TKFC: variants seen among roughly 807,000 people sequenced by gnomAD.
TKFC encodes triokinase and FMN cyclase, also known as triokinase/FMN cyclase.
In TKFC, 46 loss-of-function variants were observed where a neutral mutation model predicts 61.0. That is an observed-to-expected ratio of 0.75 (90% confidence interval 0.60 to 0.96). The LOEUF (loss-of-function observed/expected upper bound fraction) is 0.96. Among genes scored for constraint, TKFC ranks in the 50% least tolerant of loss-of-function variants. The probability of loss-of-function intolerance (pLI) is 0.00; values close to 1 mark genes in which losing one functional copy is unlikely to be tolerated. For missense variants in TKFC, 715 were observed against 777.5 expected, an observed-to-expected ratio of 0.92 and a Z score of 0.96; for synonymous variants, 314 against 330.1, an observed-to-expected ratio of 0.95 and a Z score of 0.53.
chr11:61,350,554 C>T (rs1857352104), downstream of TKFC: 27 of 1,162,706 alleles, frequency 2.3e-5, no homozygotes, highest in South Asian at 3.2e-4. Context: ...AGGGAAGCCC[C>T]AAAGTCCCTG....
chr11:61,351,352 C>T (rs528855043), downstream of TKFC: 13 of 450,822 alleles, frequency 2.9e-5, no homozygotes, highest in Admixed American at 2.4e-4. Flanking sequence ...TGCAGTGGCA[C>T]GATCTCGGCT....
In TKFC at chr11:61,334,739, A is replaced by AT. The variant is rs772912257; in HGVS notation, c.3+9dup. On this transcript the variant is annotated intron_variant, in intron 2 of 17. Coordinates refer to ENST00000394900, the MANE Select transcript of TKFC (RefSeq NM_015533.4). ...CAGAGCCTCCACACCATGGTGAGTCATACAGGGCCGGGACGGGAATGGCAG... is the reference window on the plus strand; with the variant it reads ...CAGAGCCTCCACACCATGGTGAGTCATTACAGGGCCGGGACGGGAATGGCAG... The AT allele has an allele frequency of 6.2e-7, 1 of 1,614,122 alleles. No individual in the cohort carries two copies. The highest frequency in any genetic ancestry group is 8.5e-7 in the Non-Finnish European group (1 of 1,179,984).
rs1165150333 is a variant in TKFC, at chr11:61,347,162, T to A, written c.*659T>A. On this transcript the variant is annotated 3_prime_UTR_variant, in exon 18 of 18. Transcript: ENST00000394900. ...CTTTTCTTAGCATTGAATTAATAAT[T>A]CAGTGGCTCCTCGGGAGTCGAATGG... The A allele has an allele frequency of 4.1e-6, 4 of 985,378 alleles. No homozygotes were observed. The highest frequency in any genetic ancestry group is 4.8e-6 in the Non-Finnish European group (4 of 829,934). The allele number at this position is 985,378 out of a possible 1,614,324, so 61.0% of individuals were successfully genotyped here. A position where few individuals can be genotyped will look rare whatever the true frequency, so the allele number is the denominator to read the frequency against.
intron 6 of TKFC, 27 bp downstream of exon 6, chr11:61,341,541 A>G (rs1313175420): frequency 6.4e-7 from 1 of 1,552,670 alleles, no homozygotes; most frequent in South Asian, 1.2e-5. Flanking sequence ...GAGCTGGGGA[A>G]GAGAGTGGGG....
At chr11:61,334,901 TCTTTGTTTCCTGGAGGCTGCTGGTCC>T (rs1356711993) in intron 2 of TKFC, among the ~76,000 whole-genome samples, 170 bp downstream of exon 2, 4 of 152,164 alleles carry the variant, frequency 2.6e-5, no homozygotes, top group African/African-American at 9.7e-5. Flanking sequence ...TCCCTGCTTT[TCTTTGTTTCCTGGAGGCTGCTGGTCC>T]CAGCCAGGCC....
rs571088098 is a variant in TKFC at position 61,346,879 on chromosome 11, G to A, written c.*376G>A. ...TTTCCGCACCTTAACCCCAGTGAGCGTGAAAAAGAAAGTTAATAAACTATA... is the reference window on the plus strand; with the variant it reads ...TTTCCGCACCTTAACCCCAGTGAGCATGAAAAAGAAAGTTAATAAACTATA... On this transcript the variant is annotated 3_prime_UTR_variant, in exon 18 of 18. Transcript: ENST00000394900. This position sits in a 1 kb window ranked among gnomAD's most constrained non-coding sequence, Gnocchi z 4.1. The A allele has an allele frequency of 3.0e-5, 30 of 1,013,408 alleles. No individual in the cohort carries two copies. Among genetic ancestry groups the A allele is most frequent in the African/African-American group, 1.9e-4 (11 of 58,240 alleles). The allele number at this position is 1,013,408 out of a possible 1,614,324, so 62.8% of individuals were successfully genotyped here. A position where few individuals can be genotyped will look rare whatever the true frequency, so the allele number is the denominator to read the frequency against.
intron 11 of TKFC, 59 bp downstream of exon 11, chr11:61,343,517 G>C: frequency 6.6e-7 from 1 of 1,510,058 alleles, no homozygotes; most frequent in African/African-American, 1.4e-5. Flanking sequence ...GAAGGAGCCA[G>C]GGAGACTTGG....
At chr11:61,349,838 C>T, downstream of TKFC, 1 of 583,768 alleles carries the variant, frequency 1.7e-6, no homozygotes, top group Non-Finnish European at 3.1e-6. Context: ...ATGAAGCCTG[C>T]TCTGTGGCGG....
intron 2 of TKFC, among the ~76,000 whole-genome samples, chr11:61,336,652 G>A (rs1359327305): frequency 6.6e-6 from 1 of 152,164 alleles, no homozygotes; most frequent in African/African-American, 2.4e-5. Flanking sequence ...GCTAATGAGA[G>A]GCAGAAGTGG....
chr11:61,342,354 T>A (rs935862494), intron 7 of TKFC, 107 bp from the exon 8 acceptor site: 1 of 1,428,966 alleles, frequency 7.0e-7, no homozygotes, highest in Non-Finnish European at 9.9e-7. Flanking sequence ...CATCCCCCAC[T>A]CCCGCCCACT....
At position 61,345,535 on chromosome 11, in the gene TKFC, C is replaced by A; in HGVS notation, c.1421C>A (p.Ala474Asp). Reference sequence around the variant, plus strand: ...ACCAGCCTCCCAGCCTGGTCTGCTGCCATGGATGCCGGCCTGGAAGCCATG... The same window carrying A: ...ACCAGCCTCCCAGCCTGGTCTGCTGACATGGATGCCGGCCTGGAAGCCATG... ...AKTSLPAWSA[A>D]MDAGLEAMQK... The change falls in exon 15 of 18, where the codon GCC becomes GAC. Residue 474 changes from alanine to aspartate, a missense_variant. Ala to Asp is a moderately radical substitution (Grantham distance 126, BLOSUM62 -2). Transcript: ENST00000394900. The A allele has an allele frequency of 6.2e-7, 1 of 1,613,328 alleles. No individual in the cohort carries two copies. Among genetic ancestry groups the A allele is most frequent in the South Asian group, 1.1e-5 (1 of 91,092 alleles).
At chr11:61,349,891 G>T (rs1040907015), downstream of TKFC, 2 of 530,934 alleles carry the variant, frequency 3.8e-6, no homozygotes, top group Non-Finnish European at 3.4e-6. Context: ...GGAAGTGGAC[G>T]GACACCTCAC....
chr11:61,338,004 G>A lies in TKFC; in HGVS notation c.67G>A (p.Ala23Thr), dbSNP rs1333782312. 2 of 1,613,540 alleles carry A rather than the reference G, an allele frequency of 1.2e-6. No homozygotes were observed. Reference protein sequence around the residue: ...CADDALAGLVACNPNLQLLQG... With the variant: ...CADDALAGLVTCNPNLQLLQG... Reference sequence around the variant, plus strand: ...TGATGACGCTCTTGCTGGCCTGGTGGCCTGCAACCCCAACCTGCAGCTCCT... The same window carrying A: ...TGATGACGCTCTTGCTGGCCTGGTGACCTGCAACCCCAACCTGCAGCTCCT... The change falls in exon 3 of 18, where the codon GCC becomes ACC. Residue 23 changes from alanine (A) to threonine (T), a missense_variant. Physicochemically the swap from Ala to Thr is moderately conservative, Grantham distance 58. Transcript: ENST00000394900.
intron 5 of TKFC, among the ~76,000 whole-genome samples, chr11:61,341,053 G>T (rs1355894416): frequency 6.6e-6 from 1 of 151,934 alleles, no homozygotes; most frequent in African/African-American, 2.4e-5. Context: ...GTAAAAATTG[G>T]GTGGATGGAT....
chr11:61,334,397 G>A (rs1269681991), intron 1 of TKFC: 1 of 310,604 alleles, frequency 3.2e-6, no homozygotes, highest in Non-Finnish European at 6.2e-6. Flanking sequence ...TGGACATAAA[G>A]GCAGACCTGT....
downstream of TKFC, chr11:61,353,154 G>A: frequency 6.3e-7 from 1 of 1,591,978 alleles, no homozygotes; most frequent in East Asian, 2.2e-5. Flanking sequence ...GGACAAAAGG[G>A]AGGACACACC....
At position 61,348,275 on chromosome 11, in the gene TKFC, C is replaced by CA; in HGVS notation, c.*1773dup. 1 of 985,390 alleles carries CA rather than the reference C, an allele frequency of 1.0e-6. No homozygotes were observed. The highest frequency in any genetic ancestry group is 4.7e-5 in the South Asian group (1 of 21,282). The allele number at this position is 985,390 out of a possible 1,614,324, so 61.0% of individuals were successfully genotyped here. On this transcript the variant is annotated 3_prime_UTR_variant, in exon 18 of 18. Coordinates refer to ENST00000394900, the MANE Select transcript of TKFC (RefSeq NM_015533.4). ...AAAATTTCCTTCCTCGTGAGATAAG[C>CA]ACGTGCCATTAGCTATTAAGGACAC... is the stretch of plus-strand genomic sequence containing the variant.
chr11:61,338,170 G>A (rs1174194064), intron 3 of TKFC, 40 bp downstream of exon 3: 2 of 1,504,920 alleles, frequency 1.3e-6, no homozygotes, highest in Admixed American at 2.2e-5. Context: ...CTAGTGGAGT[G>A]GACAGGGCCT....
In TKFC at chr11:61,347,999, C is replaced by A. The variant is rs377529501; in HGVS notation, c.*1496C>A. 2.5e-5 allele frequency: 25 copies of A among 985,466 alleles called. No individual in the cohort carries two copies. The highest frequency in any genetic ancestry group is 5.2e-4 in the Middle Eastern group (1 of 1,914). The allele number at this position is 985,466 out of a possible 1,614,324, so 61.0% of individuals were successfully genotyped here. The stretch of plus-strand genomic sequence containing the variant: ...CCTCCTGCCCTCCCAACCCCCGTCA[C>A]CTACTTGGCCCAAATTTGGCTGCAG... On this transcript the variant is annotated 3_prime_UTR_variant, in exon 18 of 18. Transcript: ENST00000394900.
Sources: gnomAD v4.1 joint callset for allele counts (sites outside exome capture counted in the v4.1 genomes callset) on GRCh38, gnomAD v4.1.1 for gene constraint, Gnocchi (gnomAD v3.1) non-coding constraint, MANE v1.5 for transcripts, NCBI Gene and HGNC (gene_info 2026-07-23, HGNC 2026-07-21) for gene names.